The following CAMTA1 variants were observed in gnomAD, a reference collection of about 807,000 sequenced individuals.
The protein encoded by CAMTA1 is calmodulin binding transcription activator 1.
CAMTA1 carries 27 observed loss-of-function variants against 170.9 expected under a neutral mutation model. That is an observed-to-expected ratio of 0.16 (90% CI 0.12 to 0.22). The LOEUF (loss-of-function observed/expected upper bound fraction) is 0.22, where lower values mean the gene tolerates loss of function less well. CAMTA1 is among the 10% of genes least tolerant of loss of function. CAMTA1 has a pLI of 1.00. For synonymous variants in CAMTA1, 833 were observed against 891.5 expected (o/e 0.93, Z 1.17); for missense variants, 1,619 against 2,217.2 (o/e 0.73, Z 5.42).
intron 1 of CAMTA1, among the ~76,000 whole-genome samples, chr1:6,791,101 T>G (rs1345513115): frequency 2.1e-5 from 3 of 144,684 alleles, no homozygotes; most frequent in African/African-American, 7.7e-5. Flanking sequence ...TCTAGAATCA[T>G]GTACCCTGTC....
At chr1:7,155,919 G>A (rs940840395) in intron 4 of CAMTA1, among the ~76,000 whole-genome samples, 7 of 152,116 alleles carry the variant, frequency 4.6e-5, no homozygotes, top group Admixed American at 1.3e-4. Flanking sequence ...CATTTATGGG[G>A]CATCTCTTCT....
intron 4 of CAMTA1, among the ~76,000 whole-genome samples, chr1:7,242,035 G>A (rs1039765374): frequency 6.6e-6 from 1 of 152,132 alleles, no homozygotes; most frequent in Admixed American, 6.5e-5. Context: ...TTGGGAGAAA[G>A]TATTTGCAAA....
At chr1:7,444,899 C>T (rs2092639810) in intron 5 of CAMTA1, among the ~76,000 whole-genome samples, 1 of 152,194 alleles carries the variant, frequency 6.6e-6, no homozygotes, top group South Asian at 2.1e-4. Context: ...CCATGCCAGG[C>T]CCTGAGAATA....
intron 4 of CAMTA1, among the ~76,000 whole-genome samples, chr1:7,127,034 G>C (rs926902915): frequency 6.6e-6 from 1 of 152,094 alleles, no homozygotes; most frequent in Admixed American, 6.6e-5. Flanking sequence ...CTCCCAAAGC[G>C]CTGGGATTAC....
intron 5 of CAMTA1, among the ~76,000 whole-genome samples, chr1:7,449,104 C>T (rs1369371613): frequency 1.3e-5 from 2 of 152,184 alleles, no homozygotes; most frequent in East Asian, 1.9e-4. Flanking sequence ...GGGTGGCTGG[C>T]GGTTTGCACA....
At position 7,136,633 on chromosome 1, in the gene CAMTA1, C is replaced by T. The variant is rs148969321; in HGVS notation, c.302+45262C>T. ...CTTATTCATTTTTTCTGGTTACTCCCCTCCAGTTCACTCTTAAGCTGTCTG... is the reference window on the plus strand; with the variant it reads ...CTTATTCATTTTTTCTGGTTACTCCTCTCCAGTTCACTCTTAAGCTGTCTG... On this transcript the variant is annotated intron_variant, in intron 4 of 22. Coordinates refer to ENST00000303635, the MANE Select transcript of CAMTA1 (RefSeq NM_015215.4). Among the ~76,000 whole-genome samples, 221 of 152,328 alleles carry T rather than the reference C, an allele frequency of 1.5e-3. 1 individual carries two copies. The highest frequency in any genetic ancestry group is 0.013 in the South Asian group (61 of 4,824).
chr1:6,850,267 T>A (rs1044094181), intron 3 of CAMTA1, among the ~76,000 whole-genome samples: 5 of 152,164 alleles, frequency 3.3e-5, no homozygotes, highest in Non-Finnish European at 5.9e-5. Context: ...GCTAAAAATA[T>A]CATAAAATTA....
chr1:7,696,628 T>A (rs768848423), intron 11 of CAMTA1, among the ~76,000 whole-genome samples: 1 of 152,082 alleles, frequency 6.6e-6, no homozygotes, highest in Non-Finnish European at 1.5e-5. Flanking sequence ...TACTGGGCTG[T>A]AGGGTACACG....
At chr1:7,078,326 G>A (rs966760091) in intron 3 of CAMTA1, among the ~76,000 whole-genome samples, 26 of 152,210 alleles carry the variant, frequency 1.7e-4, no homozygotes, top group African/African-American at 5.1e-4. Context: ...TTCTTGAACT[G>A]AACCTTCAGA....
intron 5 of CAMTA1, among the ~76,000 whole-genome samples, chr1:7,392,959 G>T (rs1184070492): frequency 6.6e-6 from 1 of 151,652 alleles, no homozygotes; most frequent in Non-Finnish European, 1.5e-5. Context: ...AAGCTGAGGC[G>T]AGAGGATCAT....
At position 7,537,940 on chromosome 1, in the gene CAMTA1, A is replaced by G. The variant is rs76430389; in HGVS notation, c.510+70039A>G. 2.0e-4 allele frequency among the ~76,000 whole-genome samples: 31 copies of G among 152,314 alleles called. No homozygotes were observed. The East Asian group carries it at 5.8e-3, about 28-fold the overall frequency. On this transcript the variant is annotated intron_variant, in intron 6 of 22. Transcript: ENST00000303635. ...AAGGGGTCTTTTCCTATTTTCTTCT[A>G]CTTCAGAAAACAGTCTTTCCTCCTG...
intron 5 of CAMTA1, among the ~76,000 whole-genome samples, chr1:7,292,326 A>G (rs1205117614): frequency 1.3e-5 from 2 of 152,130 alleles, no homozygotes; most frequent in Non-Finnish European, 2.9e-5. Flanking sequence ...CTTTGAAAGA[A>G]CTTATTTAGC....
chr1:7,688,718 G>A (rs1185566185), intron 11 of CAMTA1, among the ~76,000 whole-genome samples: 2 of 152,180 alleles, frequency 1.3e-5, no homozygotes, highest in African/African-American at 4.8e-5. Context: ...ACAAAGCCCT[G>A]TCCTTTCAGA....
intron 6 of CAMTA1, among the ~76,000 whole-genome samples, chr1:7,594,117 G>GAA (rs572409468): frequency 7.6e-6 from 1 of 130,720 alleles, no homozygotes; most frequent in African/African-American, 3.5e-5. Context: ...GAAAGAAAGA[G>GAA]AGAAAGAAAG....
chr1:6,911,174 C>T (rs2149270284), intron 3 of CAMTA1, among the ~76,000 whole-genome samples: 1 of 151,938 alleles, frequency 6.6e-6, no homozygotes, highest in South Asian at 2.1e-4. Flanking sequence ...GACCAGGTGC[C>T]CTCTGCTCCT....
rs1406585586 is a variant in CAMTA1 at position 7,767,153 on chromosome 1, G to A, written c.*662G>A. Reference sequence around the variant, plus strand: ...TCTTGTGGAAATTTGCAGAGGGGCAGGTGTGTGGTAAACGGGTAATGCATG... The same window carrying A: ...TCTTGTGGAAATTTGCAGAGGGGCAAGTGTGTGGTAAACGGGTAATGCATG... On this transcript the variant is annotated 3_prime_UTR_variant, in exon 23 of 23. Coordinates refer to ENST00000303635, the MANE Select transcript of CAMTA1 (RefSeq NM_015215.4). The A allele has an allele frequency of 1.3e-5, 2 of 152,758 alleles. No homozygotes were observed. The highest frequency in any genetic ancestry group is 3.7e-4 in the East Asian group (2 of 5,336). 9.5% of individuals were successfully genotyped at this position (152,758 alleles called of 1,614,324 possible).
In CAMTA1 at chr1:7,589,063, C is replaced by T. The variant is rs183272787; in HGVS notation, c.511-51337C>T. 3.9e-5 allele frequency among the ~76,000 whole-genome samples: 6 copies of T among 152,326 alleles called. No homozygotes were observed. The East Asian group carries it at 7.7e-4, about 20-fold the overall frequency. On this transcript the variant is annotated intron_variant, in intron 6 of 22. Coordinates refer to ENST00000303635, the MANE Select transcript of CAMTA1 (RefSeq NM_015215.4). ...TGCTTCCATTAGCATTCGTTTCCTC[C>T]GTGAGAAGAGGGCTTAGCTGGGAAG... is the stretch of plus-strand genomic sequence containing the variant.
chr1:7,252,068 T>G (rs1287637226), intron 5 of CAMTA1, among the ~76,000 whole-genome samples: 1 of 152,168 alleles, frequency 6.6e-6, no homozygotes, highest in African/African-American at 2.4e-5. Flanking sequence ...TTCCTTTCAG[T>G]TTTTTAGCAT....
At chr1:7,533,555 GA>G (rs2094515643) in intron 6 of CAMTA1, among the ~76,000 whole-genome samples, 1 of 152,202 alleles carries the variant, frequency 6.6e-6, no homozygotes, top group Non-Finnish European at 1.5e-5. Flanking sequence ...GAGTGTGTCA[GA>G]GAGGCTGGGG....
Sources: gnomAD v4.1 joint callset for allele counts (sites outside exome capture counted in the v4.1 genomes callset) on GRCh38, gnomAD v4.1.1 for gene constraint, MANE v1.5 for transcripts, NCBI Gene and HGNC (gene_info 2026-07-23, HGNC 2026-07-21) for gene names.